DPP6: variants seen among roughly 807,000 people sequenced by gnomAD.
The protein encoded by DPP6 is dipeptidyl peptidase like 6, also known as A-type potassium channel modulatory protein DPP6.
DPP6 carries 69 observed loss-of-function variants against 122.6 expected under a neutral mutation model. The observed-to-expected ratio is 0.56, with a 90% CI of 0.46 to 0.69. DPP6 has a LOEUF of 0.69. DPP6 is among the 30% of genes least tolerant of loss of function. DPP6 has a pLI of 0.00. For synonymous variants in DPP6, 418 were observed against 433.1 expected (o/e 0.97, Z 0.43); for missense variants, 928 against 1,116.9 (o/e 0.83, Z 2.41).
the DPP6 span, among the ~76,000 whole-genome samples, chr7:153,780,514 A>G: frequency 1.3e-5 from 2 of 152,176 alleles, no homozygotes; most frequent in Non-Finnish European, 2.9e-5. Context: ...CTTGGCATTT[A>G]TTTATTAAAC....
At chr7:154,185,204 ATAATCCTG>A (rs1437310719) in intron 1 of DPP6, among the ~76,000 whole-genome samples, 3 of 152,246 alleles carry the variant, frequency 2.0e-5, no homozygotes, top group African/African-American at 7.2e-5. Context: ...GGCTATTAAC[ATAATCCTG>A]TGTAATGAGA....
At chr7:154,686,219 A>G (rs1025328526) in intron 7 of DPP6, among the ~76,000 whole-genome samples, 6 of 152,192 alleles carry the variant, frequency 3.9e-5, no homozygotes, top group African/African-American at 1.4e-4. Flanking sequence ...CAGAACTGAA[A>G]CTGAAGAAGT....
intron 4 of DPP6, among the ~76,000 whole-genome samples, chr7:154,545,525 T>C (rs1829118543): frequency 1.4e-5 from 2 of 142,736 alleles, no homozygotes; most frequent in Admixed American, 1.4e-4. Context: ...CCTTCCTTCC[T>C]TGTAGAAATA....
chr7:154,559,388 G>A (rs1830266334), intron 4 of DPP6, among the ~76,000 whole-genome samples: 1 of 148,374 alleles, frequency 6.7e-6, no homozygotes, highest in Admixed American at 6.8e-5. Context: ...TAAGCTGTTG[G>A]ACAGTATAAA....
At chr7:154,041,377 A>G (rs990110834) in intron 1 of DPP6, among the ~76,000 whole-genome samples, 3 of 152,178 alleles carry the variant, frequency 2.0e-5, no homozygotes, top group Non-Finnish European at 2.9e-5. Flanking sequence ...AGGCGGCCAT[A>G]TGTGTTTTAA....
intron 1 of DPP6, among the ~76,000 whole-genome samples, chr7:154,166,558 C>G (rs1409930418): frequency 1.3e-5 from 2 of 151,134 alleles, no homozygotes; most frequent in African/African-American, 4.9e-5. Flanking sequence ...ACCCAGGGCA[C>G]CCTCCCTGAC....
At chr7:154,061,693 TCGCAGGGGGGGAGGCAA>T (rs1801934412) in intron 1 of DPP6, among the ~76,000 whole-genome samples, 2 of 83,996 alleles carry the variant, frequency 2.4e-5, no homozygotes, top group Non-Finnish European at 5.4e-5. Flanking sequence ...GGGACCACCA[TCGCAGGGGGGGAGGCAA>T]TCCCCGCGAG....
chr7:154,678,372 C>T (rs1015328218), intron 7 of DPP6, among the ~76,000 whole-genome samples: 5 of 152,170 alleles, frequency 3.3e-5, no homozygotes, highest in Non-Finnish European at 7.3e-5. Context: ...CAAAGGTCTG[C>T]AGCTTCACTT....
chr7:154,680,694 TAA>T (rs111811314), intron 7 of DPP6, among the ~76,000 whole-genome samples: 21 of 149,506 alleles, frequency 1.4e-4, no homozygotes, highest in Admixed American at 1.3e-3. Flanking sequence ...ATATTTTTTT[TAA>T]AAAAAAATTA....
intron 7 of DPP6, among the ~76,000 whole-genome samples, chr7:154,705,730 A>G (rs1354289619): frequency 1.3e-5 from 2 of 152,258 alleles, no homozygotes; most frequent in Admixed American, 6.5e-5. Flanking sequence ...AAACTAGGCA[A>G]ACAAAAAGTG....
At chr7:154,791,018 G>A (rs575289825) in intron 10 of DPP6, among the ~76,000 whole-genome samples, 60 of 152,230 alleles carry the variant, frequency 3.9e-4, no homozygotes, top group South Asian at 1.0e-3. Flanking sequence ...TTGGGAGGCC[G>A]AGGCTGGCAG....
chr7:154,127,199 T>G (rs1458069373), intron 1 of DPP6, among the ~76,000 whole-genome samples: 1 of 152,230 alleles, frequency 6.6e-6, no homozygotes, highest in Admixed American at 6.5e-5. Flanking sequence ...AGTTACGTCA[T>G]TTTAAGCAAT....
intron 1 of DPP6, among the ~76,000 whole-genome samples, chr7:154,222,014 C>T (rs1420616407): frequency 6.6e-6 from 1 of 152,124 alleles, no homozygotes; most frequent in Non-Finnish European, 1.5e-5. Context: ...GATAGAACAT[C>T]TTTTCGGGAG....
intron 1 of DPP6, among the ~76,000 whole-genome samples, chr7:154,202,874 AT>A (rs1383514315): frequency 1.3e-5 from 2 of 152,114 alleles, no homozygotes; most frequent in East Asian, 1.9e-4. Flanking sequence ...TAGGCCTTTA[AT>A]TTTTTTCCAA....
intron 1 of DPP6, among the ~76,000 whole-genome samples, chr7:154,184,110 G>C (rs1798235448): frequency 6.6e-6 from 1 of 152,044 alleles, no homozygotes; most frequent in South Asian, 2.1e-4. Flanking sequence ...TGGCAGACGG[G>C]CAGGACCAAC....
chr7:153,816,676 G>A, the DPP6 span, among the ~76,000 whole-genome samples: 2 of 152,156 alleles, frequency 1.3e-5, no homozygotes, highest in Admixed American at 1.3e-4. Flanking sequence ...CTGCAAGACA[G>A]AAGGAAGACA....
chr7:154,612,299 C>G (rs1361429112), intron 5 of DPP6, among the ~76,000 whole-genome samples: 2 of 152,212 alleles, frequency 1.3e-5, no homozygotes, highest in Admixed American at 1.3e-4. Flanking sequence ...CCTCGTGATA[C>G]TCTGACAGCC....
At chr7:154,381,862 C>T (rs1216897301) in intron 1 of DPP6, among the ~76,000 whole-genome samples, 4 of 152,020 alleles carry the variant, frequency 2.6e-5, no homozygotes, top group African/African-American at 4.8e-5. Flanking sequence ...TCTCCTGGGC[C>T]GGGCCCTTCA....
intron 1 of DPP6, among the ~76,000 whole-genome samples, chr7:154,391,039 T>G (rs1814571352): frequency 6.6e-6 from 1 of 152,162 alleles, no homozygotes; most frequent in Non-Finnish European, 1.5e-5. Flanking sequence ...ACCTACTGTT[T>G]GGGATTAAAT....
Sources: gnomAD v4.1 joint callset for allele counts (sites outside exome capture counted in the v4.1 genomes callset) on GRCh38, gnomAD v4.1.1 for gene constraint, MANE v1.5 for transcripts, NCBI Gene and HGNC (gene_info 2026-07-23, HGNC 2026-07-21) for gene names.